Variants in ANKRD18A observed in about 807,000 individuals in gnomAD.
ANKRD18A encodes ankyrin repeat domain-containing protein 18A.
ANKRD18A carries 72 observed loss-of-function variants against 110.6 expected under a neutral mutation model. The observed-to-expected ratio is 0.65, with a 90% CI of 0.54 to 0.79. The LOEUF is 0.79. Among genes scored for constraint, ANKRD18A ranks in the 30% least tolerant of loss-of-function variants. The pLI is 0.00. For missense variants in ANKRD18A, 934 were observed against 1,163.3 expected, an observed-to-expected ratio of 0.80 and a Z score of 2.87; for synonymous variants, 305 against 410.3, an observed-to-expected ratio of 0.74 and a Z score of 3.10.
intron 1 of ANKRD18A, 65 bp from the exon 2 acceptor site, chr9:38,616,109 G>A: frequency 1.5e-6 from 2 of 1,296,156 alleles, no homozygotes. Context: ...AATGGTCCAT[G>A]TCATTGTAAA....
chr9:38,568,827 G>C, downstream of ANKRD18A: 4 of 985,392 alleles, frequency 4.1e-6, no homozygotes, highest in Non-Finnish European at 4.8e-6. Flanking sequence ...CCCTCCCAGG[G>C]CCCAGGATGA....
intron 8 of ANKRD18A, among the ~76,000 whole-genome samples, chr9:38,600,199 T>C (rs1382059742): frequency 1.3e-5 from 2 of 152,204 alleles, no homozygotes; most frequent in African/African-American, 4.8e-5. Context: ...TAATTCATTA[T>C]CAATTAAATC....
rs140116783 is a variant in ANKRD18A at position 38,594,452 on chromosome 9, G to C, written c.1855-543C>G. On this transcript the variant is annotated intron_variant, in intron 9 of 15. Coordinates refer to ENST00000399703, the MANE Select transcript of ANKRD18A (RefSeq NM_147195.4). ...GAATTATATCCAAATGATAGTCATT[G>C]AGACTTAAAATGTAAATTATGAGCT... 7.3e-3 allele frequency among the ~76,000 whole-genome samples: 1,114 copies of C among 152,224 alleles called. 13 individuals are homozygous for C. The highest frequency in any genetic ancestry group is 0.024 in the African/African-American group (1,016 of 41,548).
intron 3 of ANKRD18A, among the ~76,000 whole-genome samples, chr9:38,613,125 T>C (rs1489320698): frequency 1.3e-5 from 2 of 152,130 alleles, no homozygotes; most frequent in South Asian, 4.2e-4. Context: ...CAAATACTTA[T>C]AAGGATGAAG....
Position 38,596,368 on chromosome 9 carries a change from C to T in ANKRD18A, c.972G>A (p.Met324Ile), listed in dbSNP as rs1464817649. ...CTTTCTTCAACATAAAATTTCCATA[C>T]ATCGCATCCTTCTTTTTTCCGTAAC... ...SQSYGKKKDA[M>I]YGNFMLKKDI... The change falls in exon 9 of 16, where the codon ATG (methionine) becomes ATA (isoleucine). Residue 324 changes from methionine to isoleucine, a missense_variant. Met to Ile is a conservative substitution (Grantham distance 10, BLOSUM62 1). Transcript: ENST00000399703. 2.0e-6 allele frequency: 3 copies of T among 1,467,466 alleles called. No homozygotes were observed. The highest frequency in any genetic ancestry group is 2.7e-6 in the Non-Finnish European group (3 of 1,110,046). 90.9% of individuals were successfully genotyped at this position (1,467,466 alleles called of 1,614,324 possible).
intron 10 of ANKRD18A, among the ~76,000 whole-genome samples, chr9:38,588,982 T>C (rs992473152): frequency 2.0e-5 from 3 of 152,234 alleles, no homozygotes; most frequent in East Asian, 3.8e-4. Flanking sequence ...TTTTAGTTTT[T>C]AAAGATGCTC....
Position 38,571,820 on chromosome 9 carries a change from A to T in ANKRD18A, c.*225T>A. On this transcript the variant is annotated 3_prime_UTR_variant, in exon 16 of 16. Transcript: ENST00000399703. Reference sequence around the variant, plus strand: ...GCTAAAAAACATCATTTAAAATAACATATAAATATACACCATATGTGACAT... The same window carrying T: ...GCTAAAAAACATCATTTAAAATAACTTATAAATATACACCATATGTGACAT... 8.4e-7 allele frequency: 1 copy of T among 1,187,396 alleles called. No individual in the cohort carries two copies. The highest frequency in any genetic ancestry group is 3.1e-5 in the South Asian group (1 of 32,060). 73.6% of individuals were successfully genotyped at this position (1,187,396 alleles called of 1,614,324 possible). A position where few individuals can be genotyped will look rare whatever the true frequency, so the allele number is the denominator to read the frequency against.
chr9:38,594,885 C>T (rs563699103), intron 9 of ANKRD18A, among the ~76,000 whole-genome samples: 9 of 152,240 alleles, frequency 5.9e-5, no homozygotes, highest in Admixed American at 2.6e-4. Context: ...TCTTAAAATG[C>T]GGCAACATGA....
rs1823930837 is a variant in ANKRD18A at position 38,577,155 on chromosome 9, A to G, written c.2639T>C (p.Met880Thr). ...TGTAACCTCTTCATAAGCAGTTTTC[A>G]TTTTGGAGAATTTACATTCCACATC... ...LKDVECKFSK[M>T]KTAYEEVTTE... Residue 880 changes from methionine (M) to threonine (T), a missense_variant, in exon 14 of 16, where the codon ATG (methionine) becomes ACG (threonine). Met to Thr is a moderately conservative substitution (Grantham distance 81). Around this residue, in one of 4 missense-constraint regions of ANKRD18A, gnomAD observed 223 missense variants for 226.7 expected, o/e 0.98. Transcript: ENST00000399703. 2 of 1,549,258 alleles carry G rather than the reference A, an allele frequency of 1.3e-6. No homozygotes were observed. Among genetic ancestry groups the G allele is most frequent in the African/African-American group, 2.7e-5 (2 of 73,068 alleles).
At chr9:38,584,304 T>C (rs1446620880) in intron 12 of ANKRD18A, among the ~76,000 whole-genome samples, 1 of 152,170 alleles carries the variant, frequency 6.6e-6, no homozygotes, top group Non-Finnish European at 1.5e-5. Context: ...CTAAGTGAAA[T>C]AAGCCAGTCC....
intron 14 of ANKRD18A, 94 bp downstream of exon 14, chr9:38,576,959 T>C (rs2118648519): frequency 9.5e-7 from 1 of 1,048,464 alleles, no homozygotes; most frequent in Non-Finnish European, 1.4e-6. Flanking sequence ...ATTCACTTCC[T>C]ACTGATCTCC....
intron 5 of ANKRD18A, among the ~76,000 whole-genome samples, chr9:38,608,912 C>T (rs1251615649): frequency 6.6e-6 from 1 of 151,994 alleles, no homozygotes; most frequent in African/African-American, 2.4e-5. Flanking sequence ...AAAGAGACCT[C>T]TATTCTCTTC....
intron 15 of ANKRD18A, 48 bp downstream of exon 15, chr9:38,575,428 T>C (rs1403966592): frequency 1.4e-6 from 2 of 1,475,948 alleles, no homozygotes; most frequent in Admixed American, 4.6e-5. Context: ...TAGACAAGAA[T>C]TATATTAGAG....
chr9:38,577,242 T>C lies in ANKRD18A; in HGVS notation c.2552A>G (p.Gln851Arg), dbSNP rs41305300. ...ATTATCCTTGTTTAACTGCTCTAATTGTTTTTCATATTCTGCTTGTTTCTA... is the reference window on the plus strand; with the variant it reads ...ATTATCCTTGTTTAACTGCTCTAATCGTTTTTCATATTCTGCTTGTTTCTA... ...HLQKQAEYEK[Q>R]LEQLNKDNTA... Residue 851 changes from glutamine to arginine, a missense_variant, in exon 14 of 16, where the codon CAA becomes CGA. Around this residue, in one of 4 missense-constraint regions of ANKRD18A, gnomAD observed 223 missense variants for 226.7 expected, o/e 0.98. Transcript: ENST00000399703. 0.069 allele frequency: 106,038 copies of C among 1,532,582 alleles called. 3,972 individuals are homozygous for C. The highest frequency in any genetic ancestry group is 0.077 in the Non-Finnish European group (88,007 of 1,141,480). 94.9% of individuals were successfully genotyped at this position (1,532,582 alleles called of 1,614,324 possible).
rs536555484 is a variant in ANKRD18A, at chr9:38,620,462, A to G, written c.-177T>C. 6 of 1,420,590 alleles carry G rather than the reference A, an allele frequency of 4.2e-6. No homozygotes were observed. The Admixed American group carries it at 1.1e-4, about 27-fold the overall frequency. 88.0% of individuals were successfully genotyped at this position (1,420,590 alleles called of 1,614,324 possible). Reference sequence around the variant, plus strand: ...CCCCCAAACCCGCAATGTAGCTCAGAATCCGCGATCCAGCCCGGTCCACCA... The same window carrying G: ...CCCCCAAACCCGCAATGTAGCTCAGGATCCGCGATCCAGCCCGGTCCACCA... On this transcript the variant is annotated 5_prime_UTR_variant, in exon 1 of 16. Coordinates refer to ENST00000399703, the MANE Select transcript of ANKRD18A (RefSeq NM_147195.4).
intron 12 of ANKRD18A, among the ~76,000 whole-genome samples, chr9:38,583,101 A>C (rs934142937): frequency 6.6e-6 from 1 of 152,254 alleles, no homozygotes; most frequent in Non-Finnish European, 1.5e-5. Context: ...AATGTAAATC[A>C]AAACCACCTT....
At position 38,620,316 on chromosome 9, in the gene ANKRD18A, C is replaced by T. The variant is rs1826037582; in HGVS notation, c.-31G>A. 1 of 1,536,458 alleles carries T rather than the reference C, an allele frequency of 6.5e-7. No homozygotes were observed. The highest frequency in any genetic ancestry group is 8.8e-7 in the Non-Finnish European group (1 of 1,138,048). On this transcript the variant is annotated 5_prime_UTR_variant, in exon 1 of 16. Coordinates refer to ENST00000399703, the MANE Select transcript of ANKRD18A (RefSeq NM_147195.4). Reference sequence around the variant, plus strand: ...CGACTTCTCAGACGCCCACCACCCGCTCCTGAGCCGCGGCGGCTCCTCGTG... The same window carrying T: ...CGACTTCTCAGACGCCCACCACCCGTTCCTGAGCCGCGGCGGCTCCTCGTG...
At position 38,620,431 on chromosome 9, in the gene ANKRD18A, G is replaced by C; in HGVS notation, c.-146C>G. The C allele has an allele frequency of 1.6e-6, 2 of 1,248,722 alleles. No individual in the cohort carries two copies. Among genetic ancestry groups the C allele is most frequent in the Non-Finnish European group, 2.1e-6 (2 of 943,802 alleles). 77.4% of individuals were successfully genotyped at this position (1,248,722 alleles called of 1,614,324 possible). On this transcript the variant is annotated 5_prime_UTR_variant, in exon 1 of 16. In the 5' UTR this introduces an upstream ATG that the reference lacks. Coordinates refer to ENST00000399703, the MANE Select transcript of ANKRD18A (RefSeq NM_147195.4). ...ACCCGCGATCCACCCCCAAATCCAA[G>C]ATCCACCCCCAAACCCGCAATGTAG...
chr9:38,589,735 T>C (rs1387088333), intron 10 of ANKRD18A, among the ~76,000 whole-genome samples: 5 of 152,224 alleles, frequency 3.3e-5, no homozygotes, highest in African/African-American at 1.2e-4. Context: ...TGTTTCACAA[T>C]GTTGGCCATG....
Sources: gnomAD v4.1 joint callset for allele counts (sites outside exome capture counted in the v4.1 genomes callset) on GRCh38, gnomAD v4.1.1 for gene constraint, gnomAD v4.1.1 regional missense constraint, MANE v1.5 for transcripts, NCBI Gene and HGNC (gene_info 2026-07-23, HGNC 2026-07-21) for gene names.